OXR1: variants seen among roughly 807,000 people sequenced by gnomAD.
OXR1 encodes the protein oxidation resistance protein 1.
In OXR1, 41 loss-of-function variants were observed where a neutral mutation model predicts 104.6. That is an observed-to-expected ratio of 0.39 (90% CI 0.31 to 0.51). The LOEUF (loss-of-function observed/expected upper bound fraction) is 0.51. OXR1 is among the 20% of genes least tolerant of loss of function. OXR1 has a pLI of 0.77. For missense variants in OXR1, 955 were observed against 1,031.9 expected (o/e 0.93, Z 1.02); for synonymous variants, 348 against 348.4 (o/e 1.00, Z 0.01).
chr8:106,331,146 C>T (rs1814698564), intron 1 of OXR1, among the ~76,000 whole-genome samples: 1 of 152,150 alleles, frequency 6.6e-6, no homozygotes, highest in African/African-American at 2.4e-5. Flanking sequence ...TGTGTATGAA[C>T]ACAAAACTAT....
intron 2 of OXR1, among the ~76,000 whole-genome samples, chr8:106,363,158 C>G (rs376855567): frequency 3.3e-5 from 5 of 152,326 alleles, no homozygotes; most frequent in African/African-American, 1.2e-4. Flanking sequence ...TAGTGAGCAT[C>G]TATAACATGC....
intron 1 of OXR1, among the ~76,000 whole-genome samples, chr8:106,302,786 C>T (rs1044653904): frequency 6.6e-6 from 1 of 151,986 alleles, no homozygotes; most frequent in African/African-American, 2.4e-5. Flanking sequence ...GAGTCTCGCT[C>T]TGTCACCCAG....
intron 3 of OXR1, chr8:106,657,891 C>T: frequency 1.3e-5 from 16 of 1,245,702 alleles, no homozygotes; most frequent in Non-Finnish European, 1.6e-5. Flanking sequence ...TCCCCTGGGT[C>T]AGGTCTGATG....
intron 2 of OXR1, among the ~76,000 whole-genome samples, chr8:106,494,896 T>C (rs546777036): frequency 1.1e-3 from 171 of 152,316 alleles, no homozygotes; most frequent in African/African-American, 3.9e-3. Context: ...GTTCATTTGT[T>C]ATTTATTACT....
intron 3 of OXR1, among the ~76,000 whole-genome samples, chr8:106,594,361 T>C (rs1009188808): frequency 6.6e-6 from 1 of 152,162 alleles, no homozygotes; most frequent in Non-Finnish European, 1.5e-5. Context: ...AAATGATTAA[T>C]TCATCGTCTG....
At position 106,458,778 on chromosome 8, in the gene OXR1, GT is replaced by G. The variant is rs555493410; in HGVS notation, c.24-60161del. 8.3e-3 allele frequency among the ~76,000 whole-genome samples: 1,260 copies of G among 152,222 alleles called. 14 individuals are homozygous for G. Among genetic ancestry groups the G allele is most frequent in the African/African-American group, 0.028 (1,165 of 41,530 alleles). Reference sequence around the variant, plus strand: ...AATTCTGGAACTATGAGGCAATGTTGTTTTCCCTATTAGGTTTTGGACTTAC... The same window carrying G: ...AATTCTGGAACTATGAGGCAATGTTGTTTCCCTATTAGGTTTTGGACTTAC... On this transcript the variant is annotated intron_variant, in intron 2 of 16. Transcript: ENST00000517566.
chr8:106,368,209 T>A (rs2130366347), intron 2 of OXR1, among the ~76,000 whole-genome samples: 1 of 152,124 alleles, frequency 6.6e-6, no homozygotes, highest in East Asian at 1.9e-4. Context: ...ATGAAAATAA[T>A]TCATATTGTA....
chr8:106,660,627 CA>C (rs1825665809), intron 3 of OXR1, among the ~76,000 whole-genome samples: 2 of 152,088 alleles, frequency 1.3e-5, no homozygotes, highest in African/African-American at 4.8e-5. Context: ...AGGAGTTACG[CA>C]TCAAGAAGGG....
intron 2 of OXR1, among the ~76,000 whole-genome samples, chr8:106,406,716 A>C (rs1392185702): frequency 6.6e-6 from 1 of 152,176 alleles, no homozygotes; most frequent in Non-Finnish European, 1.5e-5. Context: ...GAATAGGTAG[A>C]GTACAGAGGA....
chr8:106,690,038 G>T (rs1829121086), intron 6 of OXR1, among the ~76,000 whole-genome samples: 1 of 150,638 alleles, frequency 6.6e-6, no homozygotes, highest in South Asian at 2.1e-4. Flanking sequence ...TAAAATTAAA[G>T]ACACTAATAT....
At chr8:106,309,446 A>G (rs1230340509) in intron 1 of OXR1, among the ~76,000 whole-genome samples, 1 of 152,160 alleles carries the variant, frequency 6.6e-6, no homozygotes, top group African/African-American at 2.4e-5. Context: ...ATTAGCAGGA[A>G]CCCACTCCAG....
intron 2 of OXR1, among the ~76,000 whole-genome samples, chr8:106,372,951 G>C (rs1224546786): frequency 1.3e-5 from 2 of 152,156 alleles, no homozygotes; most frequent in African/African-American, 4.8e-5. Flanking sequence ...CGATATCCAT[G>C]AGTTCCATAT....
At chr8:106,490,622 T>TC (rs1400920507) in intron 2 of OXR1, among the ~76,000 whole-genome samples, 1 of 152,226 alleles carries the variant, frequency 6.6e-6, no homozygotes, top group South Asian at 2.1e-4. Context: ...TGCCTCGGTC[T>TC]CCCAAAGTGC....
At chr8:106,441,297 A>T (rs931144643) in intron 2 of OXR1, among the ~76,000 whole-genome samples, 2 of 152,212 alleles carry the variant, frequency 1.3e-5, no homozygotes, top group African/African-American at 2.4e-5. Context: ...TGGTACCAGT[A>T]CCATGCTATT....
intron 1 of OXR1, among the ~76,000 whole-genome samples, chr8:106,275,792 C>G (rs1476999953): frequency 6.6e-6 from 1 of 152,090 alleles, no homozygotes; most frequent in Non-Finnish European, 1.5e-5. Flanking sequence ...ACAACAAACA[C>G]ACACACACAC....
At chr8:106,540,615 G>T (rs142539641) in intron 3 of OXR1, among the ~76,000 whole-genome samples, 2 of 152,242 alleles carry the variant, frequency 1.3e-5, no homozygotes, top group African/African-American at 4.8e-5. Flanking sequence ...TGTTGTATTA[G>T]TCTGTTTTCA....
intron 2 of OXR1, among the ~76,000 whole-genome samples, chr8:106,439,547 A>G (rs1338477496): frequency 6.6e-6 from 1 of 151,526 alleles, no homozygotes; most frequent in Non-Finnish European, 1.5e-5. Flanking sequence ...TTTTTTTCTG[A>G]TATTTTGTTT....
At chr8:106,272,043 C>T (rs1167821359) in intron 1 of OXR1, 2 of 152,254 alleles carry the variant, frequency 1.3e-5, no homozygotes, top group African/African-American at 4.8e-5. Context: ...CAGAGACCAG[C>T]ATTTAAGGGA....
intron 2 of OXR1, among the ~76,000 whole-genome samples, chr8:106,438,861 G>A (rs1819677853): frequency 6.6e-6 from 1 of 151,828 alleles, no homozygotes; most frequent in Non-Finnish European, 1.5e-5. Flanking sequence ...TATGACCTTG[G>A]GCCAGTTACT....
Sources: gnomAD v4.1 joint callset for allele counts (sites outside exome capture counted in the v4.1 genomes callset) on GRCh38, gnomAD v4.1.1 for gene constraint, MANE v1.5 for transcripts, NCBI Gene and HGNC (gene_info 2026-07-23, HGNC 2026-07-21) for gene names.